OCA2: variants seen among roughly 807,000 people sequenced by gnomAD.
OCA2 encodes P protein.
In OCA2, 77 loss-of-function variants were observed where a neutral mutation model predicts 100.2. The observed-to-expected ratio is 0.77, with a 90% CI of 0.64 to 0.93. The LOEUF (loss-of-function observed/expected upper bound fraction) is 0.93, where lower values mean the gene tolerates loss of function less well. Ranked by LOEUF, OCA2 falls within the 40% of genes least tolerant of loss-of-function variation. OCA2 has a pLI of 0.00. For synonymous variants in OCA2, 432 were observed against 439.2 expected (o/e 0.98, Z 0.21); for missense variants, 1,062 against 1,089.1 (o/e 0.98, Z 0.35).
At chr15:28,026,927 G>A (rs530108263) in intron 4 of OCA2, among the ~76,000 whole-genome samples, 213 of 152,324 alleles carry the variant, frequency 1.4e-3, no homozygotes, top group African/African-American at 4.8e-3. Flanking sequence ...CCCGTGAGAG[G>A]CCACAAAGCC....
At chr15:28,079,891 C>T (rs1337955440) in intron 2 of OCA2, among the ~76,000 whole-genome samples, 1 of 150,704 alleles carries the variant, frequency 6.6e-6, no homozygotes, top group African/African-American at 2.5e-5. Context: ...CTTCCTCCTC[C>T]ACCTGGAATC....
chr15:27,963,775 A>G (rs1337813094), intron 15 of OCA2, among the ~76,000 whole-genome samples: 1 of 152,094 alleles, frequency 6.6e-6, no homozygotes, highest in Non-Finnish European at 1.5e-5. Context: ...AATAGACATT[A>G]TTAAAAGAGA....
At chr15:28,083,103 G>A (rs1249470308) in intron 1 of OCA2, among the ~76,000 whole-genome samples, 1 of 152,200 alleles carries the variant, frequency 6.6e-6, no homozygotes, top group Non-Finnish European at 1.5e-5. Context: ...AGTTAGCACA[G>A]TAGTGTATCA....
At chr15:28,059,280 G>A (rs1201654548) in intron 2 of OCA2, among the ~76,000 whole-genome samples, 1 of 152,232 alleles carries the variant, frequency 6.6e-6, no homozygotes, top group East Asian at 1.9e-4. Context: ...GGTGGGGCGT[G>A]AGCTACTGCA....
rs901538276 is a variant in OCA2, at chr15:28,007,655, G to A, written c.1044+7121C>T. Among the ~76,000 whole-genome samples, 17 of 152,038 alleles carry A rather than the reference G, an allele frequency of 1.1e-4. No individual in the cohort carries two copies. The South Asian group carries it at 2.3e-3, about 21-fold the overall frequency. ...TGAGGCAGGAGAACTGCTTGAACCCGGGAGGTGGAGGTTGCAGTGAGCCGA... is the reference window on the plus strand; with the variant it reads ...TGAGGCAGGAGAACTGCTTGAACCCAGGAGGTGGAGGTTGCAGTGAGCCGA... On this transcript the variant is annotated intron_variant, in intron 9 of 23. Transcript: ENST00000354638.
chr15:27,752,814 C>A (rs536633799), downstream of OCA2, among the ~76,000 whole-genome samples: 2 of 97,296 alleles, frequency 2.1e-5, no homozygotes, highest in Non-Finnish European at 4.5e-5. Flanking sequence ...CCCCCCCCCC[C>A]CCAGAGGCCC....
Position 27,957,596 on chromosome 15 carries a change from G to A in OCA2, c.1776C>T (p.Thr592=), listed in dbSNP as rs761031560. 1.2e-6 allele frequency: 2 copies of A among 1,612,580 alleles called. No homozygotes were observed. The highest frequency in any genetic ancestry group is 1.7e-6 in the Non-Finnish European group (2 of 1,179,870). Residue 592 remains threonine (T), a synonymous_variant, in exon 16 of 24, where the codon ACC becomes ACT. Transcript: ENST00000354638. The surrounding 1 kb of genome is among the most constrained non-coding windows in gnomAD (Gnocchi z 4.3). The part of the protein sequence containing the change: ...LEHLLARRLH[T]FHRQISQEDK... ...AGGACCCCGCCCGGTACCTGTGGAA[G>A]GTGTGCAGCCTCCGGGCGAGCAGGT...
rs374911595 is a variant in OCA2 at position 28,081,643 on chromosome 15, C to T, written c.227+5G>A. The T allele has an allele frequency of 1.2e-6, 2 of 1,612,906 alleles. No homozygotes were observed. Among genetic ancestry groups the T allele is most frequent in the Non-Finnish European group, 1.7e-6 (2 of 1,179,518 alleles). On this transcript the variant is annotated splice_donor_5th_base_variant and intron_variant, in intron 2 of 23. Transcript: ENST00000354638. ...ATTTACAAGATGGCACTATTTTAAA[C>T]TCACCTCCCTTTTGTGAGGAATGAA...
intron 23 of OCA2, among the ~76,000 whole-genome samples, chr15:27,802,756 A>C (rs981465019): frequency 1.3e-5 from 2 of 152,226 alleles, no homozygotes; most frequent in African/African-American, 4.8e-5. Context: ...TTCACAGCAT[A>C]TACAAAAGTT....
At chr15:27,919,421 A>G (rs1331501205) in intron 19 of OCA2, among the ~76,000 whole-genome samples, 1 of 152,218 alleles carries the variant, frequency 6.6e-6, no homozygotes, top group African/African-American at 2.4e-5. Flanking sequence ...CATCCAGACA[A>G]TGGAATGGTA....
intron 1 of OCA2, among the ~76,000 whole-genome samples, chr15:28,093,267 C>T (rs778299549): frequency 6.6e-6 from 1 of 151,942 alleles, no homozygotes; most frequent in East Asian, 1.9e-4. Flanking sequence ...ACTAAAAATA[C>T]AAAAATTAGC....
intron 19 of OCA2, among the ~76,000 whole-genome samples, chr15:27,892,269 T>C (rs1295088337): frequency 6.6e-6 from 1 of 152,088 alleles, no homozygotes; most frequent in Non-Finnish European, 1.5e-5. Context: ...ACAGTTTTTT[T>C]CAAGTTCCCA....
chr15:28,082,780 G>T (rs924603718), intron 1 of OCA2, among the ~76,000 whole-genome samples: 1 of 152,034 alleles, frequency 6.6e-6, no homozygotes, highest in Non-Finnish European at 1.5e-5. Flanking sequence ...GGTTTTGTTT[G>T]ATCTATGATT....
At chr15:27,926,009 T>G in intron 19 of OCA2, 118 bp downstream of exon 19, 1 of 1,239,358 alleles carries the variant, frequency 8.1e-7, no homozygotes. Context: ...CTTCATTGTT[T>G]TCCACTTAGA....
chr15:28,018,072 G>A (rs1453326296), intron 7 of OCA2, among the ~76,000 whole-genome samples: 4 of 151,362 alleles, frequency 2.6e-5, no homozygotes, highest in African/African-American at 9.7e-5. Context: ...CGTAAGGCCC[G>A]GACTTAACTG....
In OCA2 at chr15:27,950,534, T is replaced by C. The variant is rs565127812; in HGVS notation, c.1951+1250A>G. The C allele has an allele frequency of 1.5e-5, 8 of 518,438 alleles. No homozygotes were observed. In the East Asian group the frequency reaches 1.6e-4, roughly 11 times the overall value. The allele number at this position is 518,438 out of a possible 1,614,324, so 32.1% of individuals were successfully genotyped here. On this transcript the variant is annotated intron_variant, in intron 18 of 23. Transcript: ENST00000354638. ...TCAGCTCTCAGGTGTGGATAAATAA[T>C]ACCTGCCAGCTTGAACCAAGCCCAG... is the stretch of plus-strand genomic sequence containing the variant.
In OCA2 at chr15:28,022,559, T is replaced by C. The variant is rs374350218; in HGVS notation, c.588A>G (p.Leu196=). The change falls in exon 6 of 24, where the codon CTA becomes CTG. Residue 196 remains leucine, a synonymous_variant. Transcript: ENST00000354638. The part of the protein sequence containing the change: ...FVVLCSILFS[L]YPDQGKLWQL... ...GCCAGAGCTTTCCTTGATCCGGATATAGGCTGAACAAAATCTGTAACAATC... is the reference window on the plus strand; with the variant it reads ...GCCAGAGCTTTCCTTGATCCGGATACAGGCTGAACAAAATCTGTAACAATC... 1.2e-6 allele frequency: 2 copies of C among 1,613,570 alleles called. No individual in the cohort carries two copies. Among genetic ancestry groups the C allele is most frequent in the Non-Finnish European group, 1.7e-6 (2 of 1,179,448 alleles).
chr15:27,757,785 C>T (rs930027319), intron 23 of OCA2, among the ~76,000 whole-genome samples: 1 of 152,168 alleles, frequency 6.6e-6, no homozygotes, highest in Non-Finnish European at 1.5e-5. Context: ...AAGTTTTAGC[C>T]ACAGACCAGT....
intron 15 of OCA2, among the ~76,000 whole-genome samples, chr15:27,965,903 C>T (rs1451614849): frequency 2.0e-5 from 3 of 152,194 alleles, no homozygotes; most frequent in Middle Eastern, 3.2e-3. Context: ...AAATGCAAAA[C>T]GATAAGATGG....
Sources: allele counts gnomAD v4.1 joint callset (sites outside exome capture counted in the v4.1 genomes callset), GRCh38; gene constraint gnomAD v4.1.1; non-coding constraint Gnocchi (gnomAD v3.1); transcripts MANE v1.5; gene names NCBI Gene and HGNC (gene_info 2026-07-23, HGNC 2026-07-21).